The following BRDT variants were observed in gnomAD, a reference collection of about 807,000 sequenced individuals.
BRDT encodes the protein bromodomain testis associated.
BRDT carries 77 observed loss-of-function variants against 113.9 expected under a neutral mutation model. The observed-to-expected ratio is 0.68, with a 90% CI of 0.56 to 0.82. BRDT has a LOEUF of 0.82. Among genes scored for constraint, BRDT ranks in the 40% least tolerant of loss-of-function variants. The pLI is 0.00. For missense variants in BRDT, 1,027 were observed against 1,105.4 expected (o/e 0.93, Z 1.01); for synonymous variants, 358 against 366.5 (o/e 0.98, Z 0.26).
chr1:91,968,911 A>ATTAT (rs141543100), intron 4 of BRDT, among the ~76,000 whole-genome samples: 4,948 of 147,734 alleles, frequency 0.033, 77 homozygotes, highest in African/African-American at 0.045. Flanking sequence ...TATCAGGAAA[A>ATTAT]TTATTTATTT....
chr1:91,989,324 G>A (rs1685562550), intron 12 of BRDT, among the ~76,000 whole-genome samples: 1 of 151,982 alleles, frequency 6.6e-6, no homozygotes, highest in Admixed American at 6.6e-5. Flanking sequence ...GGTTTTTGTT[G>A]TTTTTTTGTT....
At chr1:91,964,596 A>G (rs1335231126) in intron 2 of BRDT, 31 bp from the exon 3 acceptor site, 1 of 1,293,884 alleles carries the variant, frequency 7.7e-7, no homozygotes, top group Admixed American at 2.3e-5. Context: ...ATTCATTCTT[A>G]CTAACATTTA....
intron 6 of BRDT, among the ~76,000 whole-genome samples, chr1:91,977,730 A>G (rs927235646): frequency 1.3e-5 from 2 of 150,840 alleles, no homozygotes; most frequent in African/African-American, 4.9e-5. Context: ...AAAGCTGGGA[A>G]TGGTGGTGCA....
At chr1:91,996,069 T>G (rs6689236) in intron 15 of BRDT, among the ~76,000 whole-genome samples, 10,178 of 152,142 alleles carry the variant, frequency 0.067, 398 homozygotes, top group African/African-American at 0.096. Flanking sequence ...ACTCTTTTTT[T>G]GAAATACATT....
chr1:91,952,156 A>C (rs931801126), intron 1 of BRDT: 3 of 152,256 alleles, frequency 2.0e-5, no homozygotes, highest in African/African-American at 7.2e-5. Flanking sequence ...GTATCCTGGA[A>C]ACCAGAAGAG....
Position 91,964,730 on chromosome 1 carries a change from A to C in BRDT, c.296A>C (p.Asn99Thr). ...AKASECIEDF[N>T]TMFSNCYLYN... ...GCTTCAGAATGTATAGAAGACTTCA[A>C]TACAATGTTCTCAAATTGTTATTTA... Residue 99 changes from asparagine (N) to threonine (T), a missense_variant, in exon 3 of 19, where the codon AAT (asparagine) becomes ACT (threonine). Asn to Thr is a moderately conservative substitution (Grantham distance 65). Transcript: ENST00000399546. The C allele has an allele frequency of 2.0e-6, 3 of 1,488,176 alleles. No homozygotes were observed. Among genetic ancestry groups the C allele is most frequent in the Non-Finnish European group, 2.7e-6 (3 of 1,097,072 alleles). 92.2% of individuals were successfully genotyped at this position (1,488,176 alleles called of 1,614,324 possible). A position where few individuals can be genotyped will look rare whatever the true frequency, so the allele number is the denominator to read the frequency against.
At chr1:91,982,644 G>T (rs558940137) in intron 12 of BRDT, among the ~76,000 whole-genome samples, 1 of 152,054 alleles carries the variant, frequency 6.6e-6, no homozygotes, top group Non-Finnish European at 1.5e-5. Flanking sequence ...CTTTTTTTCA[G>T]TGTGGTAGTA....
chr1:91,964,881 G>A (rs1006766385), intron 3 of BRDT, 117 bp downstream of exon 3: 31 of 203,120 alleles, frequency 1.5e-4, no homozygotes, highest in Non-Finnish European at 2.2e-4. Flanking sequence ...TACTTGACGT[G>A]TGTGTGTGTG....
At chr1:91,965,645 C>G (rs924111955) in intron 3 of BRDT, among the ~76,000 whole-genome samples, 11 of 151,968 alleles carry the variant, frequency 7.2e-5, no homozygotes, top group Non-Finnish European at 1.5e-4. Context: ...GTTGAGAGAT[C>G]AAGACCATCC....
Position 91,956,777 on chromosome 1 carries a change from C to A in BRDT, c.-37-5941C>A, listed in dbSNP as rs183743463. 3.9e-5 allele frequency among the ~76,000 whole-genome samples: 6 copies of A among 151,962 alleles called. No individual in the cohort carries two copies. In the East Asian group the frequency reaches 9.7e-4, roughly 24 times the overall value. ...ACATAGTGAGACTCTGGCTCCCCCC[C>A]TTTCCTGAAAAAATAATTAACCAGG... On this transcript the variant is annotated intron_variant, in intron 1 of 18. Transcript: ENST00000399546.
intron 1 of BRDT, among the ~76,000 whole-genome samples, chr1:91,955,171 A>T (rs1327132342): frequency 6.6e-6 from 1 of 151,842 alleles, no homozygotes; most frequent in Admixed American, 6.6e-5. Context: ...TAACATGAAA[A>T]TTGTCTGGGT....
rs549567742 is a variant in BRDT, at chr1:92,003,844, G to A, written c.2389-570G>A. Among the ~76,000 whole-genome samples the A allele has an allele frequency of 5.9e-5, 9 of 152,090 alleles. No individual in the cohort carries two copies. In the East Asian group the frequency reaches 1.2e-3, roughly 20 times the overall value. ...TTAAATTTACTTAAATTTTTAAAAC[G>A]TGGCTATTAGAAAACATTAAATTAC... On this transcript the variant is annotated intron_variant, in intron 16 of 18. Transcript: ENST00000399546.
At chr1:91,960,124 T>C (rs1020615259) in intron 1 of BRDT, among the ~76,000 whole-genome samples, 1 of 152,162 alleles carries the variant, frequency 6.6e-6, no homozygotes, top group Non-Finnish European at 1.5e-5. Context: ...GTATTGACCA[T>C]GGAAAATGGG....
intron 3 of BRDT, among the ~76,000 whole-genome samples, chr1:91,966,660 A>G (rs1403162372): frequency 6.6e-6 from 1 of 152,252 alleles, no homozygotes; most frequent in African/African-American, 2.4e-5. Flanking sequence ...TACCTAACTT[A>G]GAAATAAATG....
chr1:91,975,555 A>G, intron 4 of BRDT, among the ~76,000 whole-genome samples: 1 of 152,166 alleles, frequency 6.6e-6, no homozygotes, highest in East Asian at 1.9e-4. Flanking sequence ...ACTTGTGAGA[A>G]GTGTTTGAAG....
At chr1:91,983,927 C>T (rs1684963615) in intron 12 of BRDT, among the ~76,000 whole-genome samples, 1 of 152,154 alleles carries the variant, frequency 6.6e-6, no homozygotes, top group South Asian at 2.1e-4. Context: ...AGTAATTCTC[C>T]CTCCTTGGCC....
At chr1:92,007,346 C>T (rs964989180) in intron 18 of BRDT, among the ~76,000 whole-genome samples, 4 of 152,088 alleles carry the variant, frequency 2.6e-5, no homozygotes, top group Non-Finnish European at 4.4e-5. Context: ...GGTATTAAGC[C>T]CAGTATCCAA....
At chr1:91,981,207 C>G in intron 10 of BRDT, 29 bp downstream of exon 10, 1 of 1,606,620 alleles carries the variant, frequency 6.2e-7, no homozygotes. Context: ...TAATAGAAAT[C>G]GGTTTGGTAT....
intron 17 of BRDT, 72 bp from the exon 18 acceptor site, chr1:92,005,047 C>T (rs1687177868): frequency 1.7e-6 from 2 of 1,166,438 alleles, no homozygotes; most frequent in Non-Finnish European, 1.2e-6. Context: ...TTATATTTGT[C>T]ATTTAATAAC....
Sources: allele counts gnomAD v4.1 joint callset (sites outside exome capture counted in the v4.1 genomes callset), GRCh38; gene constraint gnomAD v4.1.1; transcripts MANE v1.5; gene names NCBI Gene and HGNC (gene_info 2026-07-23, HGNC 2026-07-21).